CCDC102B: variants seen among roughly 807,000 people sequenced by gnomAD.
The protein encoded by CCDC102B is coiled-coil domain containing 102B.
A neutral mutation model predicts 57.4 loss-of-function variants in CCDC102B; 75 were observed. The observed-to-expected ratio is 1.31, with a 90% CI of 1.08 to 1.58. The LOEUF (loss-of-function observed/expected upper bound fraction) is 1.58, where lower values mean the gene tolerates loss of function less well. Among genes scored for constraint, CCDC102B ranks in the 40% most tolerant of loss-of-function variants. CCDC102B has a pLI of 0.00. For synonymous variants in CCDC102B, 206 were observed against 201.9 expected (o/e 1.02, Z -0.17); for missense variants, 636 against 582.6 (o/e 1.09, Z -0.94).
At chr18:68,822,066 G>A (rs1443725369) in intron 1 of CCDC102B, among the ~76,000 whole-genome samples, 2 of 152,094 alleles carry the variant, frequency 1.3e-5, no homozygotes, top group Non-Finnish European at 2.9e-5. Context: ...GAAAACTACT[G>A]TAGTTTTCTG....
chr18:68,905,950 C>A (rs1010511073), intron 6 of CCDC102B, among the ~76,000 whole-genome samples: 4 of 151,900 alleles, frequency 2.6e-5, no homozygotes, highest in Non-Finnish European at 5.9e-5. Flanking sequence ...CCCGCCACCA[C>A]GCCCGGCTAA....
intron 6 of CCDC102B, among the ~76,000 whole-genome samples, chr18:69,000,982 A>G (rs541977456): frequency 3.3e-5 from 5 of 152,230 alleles, no homozygotes; most frequent in African/African-American, 9.6e-5. Context: ...AATCCTTTCC[A>G]CTACATATAA....
At chr18:68,968,915 A>G (rs1568360031) in intron 6 of CCDC102B, among the ~76,000 whole-genome samples, 1 of 152,184 alleles carries the variant, frequency 6.6e-6, no homozygotes. Context: ...CTGAGTGTAT[A>G]CATATGTCAA....
At chr18:68,761,937 T>G (rs747553445) in intron 2 of CCDC102B, among the ~76,000 whole-genome samples, 1 of 152,168 alleles carries the variant, frequency 6.6e-6, no homozygotes, top group African/African-American at 2.4e-5. Context: ...TCTGTTTCTC[T>G]TCTTCATTTT....
chr18:68,875,920 T>C (rs1259058763), intron 5 of CCDC102B, among the ~76,000 whole-genome samples: 1 of 152,192 alleles, frequency 6.6e-6, no homozygotes, highest in East Asian at 1.9e-4. Flanking sequence ...CTTCTATAAG[T>C]CCTAAAAGGG....
In CCDC102B at chr18:68,959,728, G is replaced by A. The variant is rs145238157; in HGVS notation, c.1264-51206G>A. Among the ~76,000 whole-genome samples the A allele has an allele frequency of 2.4e-3, 372 of 151,952 alleles. 2 individuals carry two copies. The highest frequency in any genetic ancestry group is 8.6e-3 in the African/African-American group (358 of 41,430). ...TAACACAAAGTCTCTGCCACTCTTT[G>A]CTCCCTTTTTCTCAAGCAGAAATGT... On this transcript the variant is annotated intron_variant, in intron 6 of 7. Coordinates refer to ENST00000360242, the MANE Select transcript of CCDC102B (RefSeq NM_024781.3).
chr18:68,726,312 C>G (rs2032591911), intron 2 of CCDC102B, among the ~76,000 whole-genome samples: 1 of 152,066 alleles, frequency 6.6e-6, no homozygotes. Flanking sequence ...TAAGCCTATT[C>G]AAATAATAAA....
At chr18:68,999,840 C>G (rs942413802) in intron 6 of CCDC102B, among the ~76,000 whole-genome samples, 1 of 152,050 alleles carries the variant, frequency 6.6e-6, no homozygotes, top group African/African-American at 2.4e-5. Flanking sequence ...CACTTTTGTT[C>G]ATTTTTTTCA....
At chr18:69,009,923 G>GTTTTTTTTTTTTT (rs2051457244) in intron 6 of CCDC102B, among the ~76,000 whole-genome samples, 1 of 38,482 alleles carries the variant, frequency 2.6e-5, no homozygotes, top group African/African-American at 5.7e-5. Context: ...TTTTAATAAA[G>GTTTTTTTTTTTTT]ATTTTTTTTT....
At chr18:68,721,885 C>T (rs1462003052) in intron 2 of CCDC102B, among the ~76,000 whole-genome samples, 1 of 152,162 alleles carries the variant, frequency 6.6e-6, no homozygotes, top group Non-Finnish European at 1.5e-5. Context: ...TCCTCTCTGG[C>T]TGTCAAAAGA....
chr18:69,033,274 C>A (rs1205603465), intron 7 of CCDC102B, among the ~76,000 whole-genome samples: 1 of 152,052 alleles, frequency 6.6e-6, no homozygotes, highest in East Asian at 1.9e-4. Context: ...ATTTTAACAG[C>A]TTTATTAAAA....
At position 68,775,872 on chromosome 18, in the gene CCDC102B, T is replaced by G. The variant is rs567615852; in HGVS notation, c.-66-47494T>G. Among the ~76,000 whole-genome samples, 504 of 152,232 alleles carry G rather than the reference T, an allele frequency of 3.3e-3. 2 individuals carry two copies. The highest frequency in any genetic ancestry group is 0.012 in the African/African-American group (493 of 41,546). On this transcript the variant is annotated intron_variant, in intron 2 of 3. Transcript: ENST00000578970. ...TTTCACCATGTTGGCCAGGATGGTCTCAATCTCCTGACCTCGTGATCTGCC... is the reference window on the plus strand; with the variant it reads ...TTTCACCATGTTGGCCAGGATGGTCGCAATCTCCTGACCTCGTGATCTGCC...
In CCDC102B at chr18:69,030,317, A is replaced by G. The variant is rs190362691; in HGVS notation, c.1434+19213A>G. Among the ~76,000 whole-genome samples the G allele has an allele frequency of 3.9e-5, 6 of 152,320 alleles. No individual in the cohort carries two copies. In the East Asian group the frequency reaches 1.2e-3, roughly 29 times the overall value. On this transcript the variant is annotated intron_variant, in intron 7 of 7. Coordinates refer to ENST00000360242, the MANE Select transcript of CCDC102B (RefSeq NM_024781.3). ...AATATTTAGCAGTTCACCTATTGAT[A>G]TAAATCCTGATTATTTCAGATAATA...
chr18:69,015,177 G>C (rs781622202), intron 7 of CCDC102B, among the ~76,000 whole-genome samples: 1 of 152,026 alleles, frequency 6.6e-6, no homozygotes, highest in Non-Finnish European at 1.5e-5. Flanking sequence ...GAAGTAACTG[G>C]GTATATGTCA....
Position 68,934,885 on chromosome 18 carries a change from AT to A in CCDC102B, c.1263+37458del, listed in dbSNP as rs201191152. ...ATAGGTACGTTTCAATTAAAAAAAAATAGACACAAAATCCATGCCTATTTGA... is the reference window on the plus strand; with the variant it reads ...ATAGGTACGTTTCAATTAAAAAAAAAAGACACAAAATCCATGCCTATTTGA... On this transcript the variant is annotated intron_variant, in intron 6 of 7. Coordinates refer to ENST00000360242, the MANE Select transcript of CCDC102B (RefSeq NM_024781.3). 1.5e-3 allele frequency among the ~76,000 whole-genome samples: 221 copies of A among 152,112 alleles called. 2 individuals carry two copies. Among genetic ancestry groups the A allele is most frequent in the African/African-American group, 5.1e-3 (213 of 41,548 alleles).
chr18:68,873,236 C>G (rs1330620559), intron 4 of CCDC102B, among the ~76,000 whole-genome samples: 1 of 152,086 alleles, frequency 6.6e-6, no homozygotes, highest in Non-Finnish European at 1.5e-5. Context: ...CTCTTGTCCT[C>G]GTCCTTGCCT....
At chr18:68,876,505 G>A (rs1355506561) in intron 5 of CCDC102B, among the ~76,000 whole-genome samples, 12 of 152,158 alleles carry the variant, frequency 7.9e-5, no homozygotes, top group Admixed American at 3.3e-4. Flanking sequence ...TTAGAACTCC[G>A]GGGTCATCAT....
At chr18:68,718,262 G>A (rs973286245) in intron 2 of CCDC102B, 2 of 152,136 alleles carry the variant, frequency 1.3e-5, no homozygotes, top group African/African-American at 2.4e-5. Context: ...TAAACAACTC[G>A]AATGTCTAAT....
chr18:68,886,794 A>T (rs1410425263), intron 5 of CCDC102B, among the ~76,000 whole-genome samples: 2 of 151,748 alleles, frequency 1.3e-5, no homozygotes, highest in African/African-American at 4.8e-5. Context: ...CACTCATTTC[A>T]ATGTACCCCA....
Sources: allele counts gnomAD v4.1 joint callset (sites outside exome capture counted in the v4.1 genomes callset), GRCh38; gene constraint gnomAD v4.1.1; transcripts MANE v1.5; gene names NCBI Gene and HGNC (gene_info 2026-07-23, HGNC 2026-07-21).